The following SDHAF3 variants were observed in gnomAD, a reference collection of about 807,000 sequenced individuals.
The protein encoded by SDHAF3 is succinate dehydrogenase assembly factor 3, mitochondrial.
In SDHAF3, 18 loss-of-function variants were observed where a neutral mutation model predicts 11.5. The ratio of observed to expected loss-of-function variants is 1.56; its 90% CI spans 1.08 to 2.32. The LOEUF (loss-of-function observed/expected upper bound fraction) is 2.32. SDHAF3 is among the 30% of genes most tolerant of loss of function. SDHAF3 has a pLI of 0.00. For missense variants in SDHAF3, 200 were observed against 154.4 expected (o/e 1.30, Z -1.57); for synonymous variants, 72 against 59.3 (o/e 1.21, Z -0.99).
intron 1 of SDHAF3, among the ~76,000 whole-genome samples, chr7:97,132,353 T>A (rs920698102): frequency 6.6e-6 from 1 of 152,176 alleles, no homozygotes; most frequent in Middle Eastern, 3.2e-3. Context: ...AATCTAAACG[T>A]GTAGATTCAA....
intron 1 of SDHAF3, among the ~76,000 whole-genome samples, chr7:97,168,681 G>A (rs2115734133): frequency 6.6e-6 from 1 of 152,218 alleles, no homozygotes; most frequent in South Asian, 2.1e-4. Context: ...TGCTAACCGG[G>A]GGTGTAATTG....
Position 97,117,801 on chromosome 7 carries a change from C to G in SDHAF3, c.78C>G (p.Asp26Glu), listed in dbSNP as rs2115601894. ...VLQLHRVLPP[D>E]LKSLGDQYVK... ...AGCTGCACCGTGTTCTGCCCCCGGA[C>G]CTCAAATCCCTGGGCGACCAGTACG... The change falls in exon 1 of 2, where the codon GAC (aspartate) becomes GAG (glutamate). Residue 26 changes from aspartate (D) to glutamate (E), a missense_variant. Transcript: ENST00000432641. 1 of 1,614,188 alleles carries G rather than the reference C, an allele frequency of 6.2e-7. No homozygotes were observed. The highest frequency in any genetic ancestry group is 2.2e-5 in the East Asian group (1 of 44,870).
At chr7:97,156,260 C>G (rs1470992147) in intron 1 of SDHAF3, among the ~76,000 whole-genome samples, 2 of 152,128 alleles carry the variant, frequency 1.3e-5, no homozygotes, top group Non-Finnish European at 2.9e-5. Context: ...TGTAGAATGT[C>G]CCCCAGCTGG....
chr7:97,147,270 A>G (rs1266968448), intron 1 of SDHAF3, among the ~76,000 whole-genome samples: 2 of 152,206 alleles, frequency 1.3e-5, no homozygotes, highest in Admixed American at 6.5e-5. Context: ...AGAAGTTGAG[A>G]TAGATACACA....
chr7:97,120,462 G>C (rs960269374), intron 1 of SDHAF3, among the ~76,000 whole-genome samples: 2 of 151,986 alleles, frequency 1.3e-5, no homozygotes, highest in African/African-American at 4.8e-5. Flanking sequence ...TCACCAGAGA[G>C]TAATATACTT....
At chr7:97,168,758 T>TA (rs1471740452) in intron 1 of SDHAF3, among the ~76,000 whole-genome samples, 3 of 152,242 alleles carry the variant, frequency 2.0e-5, no homozygotes, top group Non-Finnish European at 4.4e-5. Context: ...TCATGCCTTT[T>TA]ACATTTTTTA....
At chr7:97,180,902 T>A in intron 1 of SDHAF3, 110 bp from the exon 2 acceptor site, 1 of 842,472 alleles carries the variant, frequency 1.2e-6, no homozygotes, top group Non-Finnish European at 1.8e-6. Flanking sequence ...CAAATGCTTC[T>A]GCATTTACTG....
chr7:97,181,454 A>T lies in SDHAF3; in HGVS notation c.*239A>T. The T allele has an allele frequency of 2.9e-6, 1 of 344,320 alleles. No individual in the cohort carries two copies. The highest frequency in any genetic ancestry group is 5.3e-6 in the Non-Finnish European group (1 of 189,606). 21.3% of individuals were successfully genotyped at this position (344,320 alleles called of 1,614,324 possible). A position where few individuals can be genotyped will look rare whatever the true frequency, so the allele number is the denominator to read the frequency against. On this transcript the variant is annotated 3_prime_UTR_variant, in exon 2 of 2. Transcript: ENST00000432641. ...TGGAACTAAACAGCAAATTTCTAGAATTTTGCTGAAAATGTTTTAAAATGC... is the reference window on the plus strand; with the variant it reads ...TGGAACTAAACAGCAAATTTCTAGATTTTTGCTGAAAATGTTTTAAAATGC...
chr7:97,172,916 G>A (rs1789624946), intron 1 of SDHAF3, among the ~76,000 whole-genome samples: 1 of 152,230 alleles, frequency 6.6e-6, no homozygotes, highest in South Asian at 2.1e-4. Flanking sequence ...CCCTTTTGGG[G>A]ATTGGTTTTG....
chr7:97,125,410 A>C (rs1218002192), intron 1 of SDHAF3, among the ~76,000 whole-genome samples: 1 of 152,146 alleles, frequency 6.6e-6, no homozygotes, highest in African/African-American at 2.4e-5. Context: ...TGTCCCAGAG[A>C]TTCTGGTACA....
At chr7:97,138,614 G>A (rs1416565346) in intron 1 of SDHAF3, among the ~76,000 whole-genome samples, 1 of 152,100 alleles carries the variant, frequency 6.6e-6, no homozygotes, top group Admixed American at 6.6e-5. Flanking sequence ...CTGTGACCTT[G>A]GGTAATTTGA....
At chr7:97,174,488 TTC>T (rs1333919663) in intron 1 of SDHAF3, among the ~76,000 whole-genome samples, 3 of 152,218 alleles carry the variant, frequency 2.0e-5, no homozygotes, top group African/African-American at 7.2e-5. Context: ...GAGGAATTGT[TTC>T]TTTCTGTTCC....
At chr7:97,122,583 A>G (rs1472165649) in intron 1 of SDHAF3, among the ~76,000 whole-genome samples, 16 of 152,134 alleles carry the variant, frequency 1.1e-4, no homozygotes, top group Admixed American at 1.0e-3. Context: ...AGAAGAAAAC[A>G]GAATGGATAA....
Position 97,167,044 on chromosome 7 carries a change from AT to A in SDHAF3, c.175-13955del, listed in dbSNP as rs71131005. Among the ~76,000 whole-genome samples the A allele has an allele frequency of 4.3e-3, 629 of 147,712 alleles. 2 individuals carry two copies. The highest frequency in any genetic ancestry group is 0.014 in the African/African-American group (544 of 40,218). Reference sequence around the variant, plus strand: ...TGATAAAATTTTACAACTTTCAGTGATTTTTTTTTTTTTCTTTTCATGCCAA... The same window carrying A: ...TGATAAAATTTTACAACTTTCAGTGATTTTTTTTTTTTCTTTTCATGCCAA... On this transcript the variant is annotated intron_variant, in intron 1 of 1. Coordinates refer to ENST00000432641, the MANE Select transcript of SDHAF3 (RefSeq NM_020186.3).
At chr7:97,160,603 C>G (rs921047012) in intron 1 of SDHAF3, among the ~76,000 whole-genome samples, 1 of 152,136 alleles carries the variant, frequency 6.6e-6, no homozygotes, top group Non-Finnish European at 1.5e-5. Context: ...AACCTTACCC[C>G]CCGACCCCCA....
At chr7:97,157,024 A>C (rs1334929019) in intron 1 of SDHAF3, among the ~76,000 whole-genome samples, 3 of 151,214 alleles carry the variant, frequency 2.0e-5, no homozygotes, top group African/African-American at 7.3e-5. Flanking sequence ...CTCATTGTTC[A>C]CCTCCCACTT....
Position 97,163,616 on chromosome 7 carries a change from C to T in SDHAF3, c.175-17396C>T, listed in dbSNP as rs184975909. ...TTGACTCTTTATCCAGTTTGCCAGTCTGTGTCTTTTAACTGGGCCATTTAG... is the reference window on the plus strand; with the variant it reads ...TTGACTCTTTATCCAGTTTGCCAGTTTGTGTCTTTTAACTGGGCCATTTAG... On this transcript the variant is annotated intron_variant, in intron 1 of 1. Coordinates refer to ENST00000432641, the MANE Select transcript of SDHAF3 (RefSeq NM_020186.3). 2.6e-5 allele frequency among the ~76,000 whole-genome samples: 4 copies of T among 152,218 alleles called. No homozygotes were observed. The East Asian group carries it at 7.7e-4, about 29-fold the overall frequency.
intron 1 of SDHAF3, among the ~76,000 whole-genome samples, chr7:97,173,710 G>T (rs1015462808): frequency 1.3e-5 from 2 of 150,364 alleles, no homozygotes; most frequent in Admixed American, 6.6e-5. Flanking sequence ...CCACCACCAC[G>T]CCCGGCTAAT....
intron 1 of SDHAF3, among the ~76,000 whole-genome samples, chr7:97,144,075 C>T (rs187785019): frequency 6.6e-6 from 1 of 152,204 alleles, no homozygotes; most frequent in East Asian, 1.9e-4. Flanking sequence ...ATTTGCATTT[C>T]CCTGATCATT....
Sources: allele counts gnomAD v4.1 joint callset (sites outside exome capture counted in the v4.1 genomes callset), GRCh38; gene constraint gnomAD v4.1.1; transcripts MANE v1.5; gene names NCBI Gene and HGNC (gene_info 2026-07-23, HGNC 2026-07-21).